The following CEP192 variants were observed in gnomAD, a reference collection of about 807,000 sequenced individuals.
CEP192 encodes the protein centrosomal protein of 192 kDa.
In CEP192, 151 loss-of-function variants were observed where a neutral mutation model predicts 271.8. That is an observed-to-expected ratio of 0.56 (90% CI 0.49 to 0.64). The LOEUF (loss-of-function observed/expected upper bound fraction) is 0.64, where lower values mean the gene tolerates loss of function less well. Ranked by LOEUF, CEP192 falls within the 30% of genes least tolerant of loss-of-function variation. The pLI is 0.00. For missense variants in CEP192, 2,910 were observed against 3,020.5 expected (o/e 0.96, Z 0.86); for synonymous variants, 995 against 1,076.5 (o/e 0.92, Z 1.48).
intron 9 of CEP192, among the ~76,000 whole-genome samples, chr18:13,022,800 A>T (rs1380987272): frequency 6.6e-6 from 1 of 152,166 alleles, no homozygotes; most frequent in Non-Finnish European, 1.5e-5. Context: ...GACAGTGTTG[A>T]GTCTTCCTAT....
At chr18:13,098,974 T>G (rs1229411661) in intron 36 of CEP192, among the ~76,000 whole-genome samples, 1 of 152,080 alleles carries the variant, frequency 6.6e-6, no homozygotes, top group Non-Finnish European at 1.5e-5. Context: ...GTTTAGGAGC[T>G]GGAGACCAGC....
chr18:13,067,563 T>G (rs573942564), intron 21 of CEP192, among the ~76,000 whole-genome samples: 88 of 152,330 alleles, frequency 5.8e-4, no homozygotes, highest in African/African-American at 2.0e-3. Flanking sequence ...TTTTATAAAA[T>G]TATCAGTTCA....
intron 34 of CEP192, among the ~76,000 whole-genome samples, chr18:13,093,972 A>G (rs1242973028): frequency 6.6e-6 from 1 of 152,212 alleles, no homozygotes; most frequent in African/African-American, 2.4e-5. Context: ...TTGCAGGCCA[A>G]TTGCTAACTC....
chr18:13,045,334 G>A (rs1267230100), intron 15 of CEP192, among the ~76,000 whole-genome samples: 1 of 152,070 alleles, frequency 6.6e-6, no homozygotes, highest in Non-Finnish European at 1.5e-5. Context: ...TGCTTTTTCA[G>A]CGGTGTAAGT....
Position 13,049,009 on chromosome 18 carries a change from G to T in CEP192, c.2218G>T (p.Ala740Ser), listed in dbSNP as rs578208082. Residue 740 changes from alanine (A) to serine (S), a missense_variant, in exon 16 of 45, where the codon GCA (alanine) becomes TCA (serine). Physicochemically the swap from Ala to Ser is moderately conservative, Grantham distance 99. Transcript: ENST00000506447. ...TTCCCAACTTGCTGCAATGATCAAG[G>T]CACTTTCAAATAAAACCAGAGACAA... ...DPSQLAAMIKALSNKTRDKTF... is the reference protein window; with the variant it reads ...DPSQLAAMIKSLSNKTRDKTF... The T allele has an allele frequency of 1.2e-6, 2 of 1,614,104 alleles. No individual in the cohort carries two copies. The highest frequency in any genetic ancestry group is 1.1e-5 in the South Asian group (1 of 91,078).
chr18:13,091,800 A>T (rs961523291), intron 33 of CEP192, among the ~76,000 whole-genome samples: 11 of 152,186 alleles, frequency 7.2e-5, no homozygotes, highest in Non-Finnish European at 1.5e-4. Flanking sequence ...ATAAATATTT[A>T]ATTAAATGAA....
In CEP192 at chr18:13,029,993, A is replaced by C. The variant is rs1481595386; in HGVS notation, c.1381A>C (p.Asn461His). 7 of 1,544,156 alleles carry C rather than the reference A, an allele frequency of 4.5e-6. No homozygotes were observed. Among genetic ancestry groups the C allele is most frequent in the East Asian group, 2.5e-5 (1 of 40,774 alleles). ...TGAATGTCACGAGTCCATCGAAAAG[A>C]ATAAAGACAGTAAGTGGACTTTTTA... ...TCECHESIEKNKDKTDLPQSV... is the reference protein window; with the variant it reads ...TCECHESIEKHKDKTDLPQSV... The change falls in exon 10 of 45, where the codon AAT (asparagine) becomes CAT (histidine). Residue 461 changes from asparagine (N) to histidine (H), a missense_variant. Asn to His is a moderately conservative substitution (Grantham distance 68). Coordinates refer to ENST00000506447, the MANE Select transcript of CEP192 (RefSeq NM_032142.4).
At chr18:13,054,975 C>T (rs80042716) in intron 18 of CEP192, among the ~76,000 whole-genome samples, 3,923 of 152,210 alleles carry the variant, frequency 0.026, 82 homozygotes, top group Middle Eastern at 0.044. Context: ...GGGCTTAGAA[C>T]ACATAAAAGT....
At position 13,030,333 on chromosome 18, in the gene CEP192, C is replaced by T. The variant is rs563763274; in HGVS notation, c.1391-132C>T. On this transcript the variant is annotated intron_variant, in intron 10 of 44. Coordinates refer to ENST00000506447, the MANE Select transcript of CEP192 (RefSeq NM_032142.4). ...TTTGGGGAAATGGGTTTTCCTTTTT[C>T]TAACTAGCTTTGGCAAACTTCAGTA... 9.1e-6 allele frequency: 7 copies of T among 767,322 alleles called. No homozygotes were observed. In the Admixed American group the frequency reaches 9.7e-5, roughly 11 times the overall value. The allele number at this position is 767,322 out of a possible 1,614,324, so 47.5% of individuals were successfully genotyped here.
At chr18:13,018,129 A>T (rs2034769216) in intron 7 of CEP192, among the ~76,000 whole-genome samples, 1 of 152,134 alleles carries the variant, frequency 6.6e-6, no homozygotes, top group Non-Finnish European at 1.5e-5. Context: ...ACACCGGGAG[A>T]CGTTTATCTC....
chr18:13,115,220 C>G (rs181986305), intron 42 of CEP192, among the ~76,000 whole-genome samples: 1 of 152,236 alleles, frequency 6.6e-6, no homozygotes, highest in African/African-American at 2.4e-5. Flanking sequence ...CCACAGCTCC[C>G]TTCTGGAGAC....
Position 13,077,935 on chromosome 18 carries a change from T to C in CEP192, c.5616+4750T>C, listed in dbSNP as rs545974448. Among the ~76,000 whole-genome samples, 11 of 124,880 alleles carry C rather than the reference T, an allele frequency of 8.8e-5. No homozygotes were observed. In the South Asian group the frequency reaches 3.0e-3, roughly 34 times the overall value. 81.9% of individuals were successfully genotyped at this position (124,880 alleles called of 152,430 possible). ...CATCAGCTCATCTTTTTAAAATTAA[T>C]TAATTAATTTTTATTATACTTTTAA... On this transcript the variant is annotated intron_variant, in intron 30 of 44. Coordinates refer to ENST00000506447, the MANE Select transcript of CEP192 (RefSeq NM_032142.4).
chr18:13,052,987 C>T lies in CEP192; in HGVS notation c.3086C>T (p.Pro1029Leu), dbSNP rs758772587. The T allele has an allele frequency of 3.7e-6, 6 of 1,613,930 alleles. No individual in the cohort carries two copies. The highest frequency in any genetic ancestry group is 1.3e-5 in the African/African-American group (1 of 75,020). Residue 1029 changes from proline (P) to leucine (L), a missense_variant, in exon 18 of 45, where the codon CCC becomes CTC. Physicochemically the swap from Pro to Leu is moderately conservative, Grantham distance 98. Transcript: ENST00000506447. The stretch of plus-strand genomic sequence containing the variant: ...CCTCCCTGTGAGCAGGAGTTGTCTC[C>T]CTTGGTGTGCTCGCCTGCTGGGGTG... ...QQPPCEQELS[P>L]LVCSPAGVSR... is the part of the protein sequence containing the mutation.
At chr18:13,104,845 T>A (rs2039877490) in intron 39 of CEP192, 139 bp from the exon 40 acceptor site, 1 of 663,688 alleles carries the variant, frequency 1.5e-6, no homozygotes, top group African/African-American at 1.8e-5. Flanking sequence ...GCACTCCCAT[T>A]TTGGGAATAC....
At chr18:13,094,017 C>T (rs565687162) in intron 34 of CEP192, among the ~76,000 whole-genome samples, 1 of 152,276 alleles carries the variant, frequency 6.6e-6, no homozygotes, top group South Asian at 2.1e-4. Flanking sequence ...TTTATGGAGT[C>T]CAGGCCAGTT....
At chr18:13,045,005 T>G (rs2143883705) in intron 15 of CEP192, among the ~76,000 whole-genome samples, 1 of 152,284 alleles carries the variant, frequency 6.6e-6, no homozygotes, top group South Asian at 2.1e-4. Context: ...TAATTTAGAT[T>G]GTAATCTTCC....
intron 4 of CEP192, among the ~76,000 whole-genome samples, chr18:13,010,833 C>T (rs752317186): frequency 1.1e-4 from 16 of 148,148 alleles, no homozygotes; most frequent in Middle Eastern, 3.6e-3. Flanking sequence ...GTAATAAGAG[C>T]GAAACTCCAT....
rs751875707 is a variant in CEP192, at chr18:13,124,732, G to C, written c.7576G>C (p.Ala2526Pro). The C allele has an allele frequency of 6.2e-7, 1 of 1,612,996 alleles. No homozygotes were observed. Among genetic ancestry groups the C allele is most frequent in the Non-Finnish European group, 8.5e-7 (1 of 1,179,164 alleles). The change falls in exon 45 of 45, where the codon GCT becomes CCT. Residue 2526 changes from alanine (A) to proline (P), a missense_variant. By Grantham distance (27) the Ala-to-Pro change is conservative (BLOSUM62 -1). Coordinates refer to ENST00000506447, the MANE Select transcript of CEP192 (RefSeq NM_032142.4). ...TCAAACAGATGAAGGCAAGAGTATT[G>C]CTATTCGACTAATTGGTGAAGCTCT... ...VIQTDEGKSI[A>P]IRLIGEALGK...
intron 32 of CEP192, 70 bp downstream of exon 32, chr18:13,087,716 A>C: frequency 1.4e-6 from 1 of 705,900 alleles, no homozygotes; most frequent in Non-Finnish European, 2.2e-6. Context: ...GTGGCTTGGG[A>C]TTTGGAATTT....
Sources: allele counts gnomAD v4.1 joint callset (sites outside exome capture counted in the v4.1 genomes callset), GRCh38; gene constraint gnomAD v4.1.1; transcripts MANE v1.5; gene names NCBI Gene and HGNC (gene_info 2026-07-23, HGNC 2026-07-21).